The following NME7 variants were observed in gnomAD, a reference collection of about 807,000 sequenced individuals.
The protein encoded by NME7 is nucleoside diphosphate kinase 7.
Under a neutral mutation model 49.1 loss-of-function variants are expected in NME7, and 41 were observed. The ratio of observed to expected loss-of-function variants is 0.83; its 90% CI spans 0.65 to 1.08. NME7 has a LOEUF of 1.08. NME7 is among the 50% of genes least tolerant of loss of function. The pLI, the probability that NME7 is intolerant of heterozygous loss-of-function variation, is 0.00. For missense variants in NME7, 423 were observed against 463.4 expected (o/e 0.91, Z 0.80); for synonymous variants, 139 against 150.6 (o/e 0.92, Z 0.56).
At position 169,149,487 on chromosome 1, in the gene NME7, C is replaced by T. The variant is rs532520055; in HGVS notation, c.1099-16670G>A. Among the ~76,000 whole-genome samples the T allele has an allele frequency of 7.0e-4, 106 of 152,246 alleles. 1 individual carries two copies. The highest frequency in any genetic ancestry group is 2.4e-3 in the African/African-American group (98 of 41,538). ...TAGGGGATACATCCCAAACCCCCAG[C>T]GGATACCTGAAACCACATATAGTAC... On this transcript the variant is annotated intron_variant, in intron 11 of 11. Coordinates refer to ENST00000367811, the MANE Select transcript of NME7 (RefSeq NM_013330.5).
At chr1:169,221,096 T>G (rs928755259) in intron 10 of NME7, among the ~76,000 whole-genome samples, 5 of 152,182 alleles carry the variant, frequency 3.3e-5, no homozygotes, top group Non-Finnish European at 5.9e-5. Flanking sequence ...ATTTCATCAA[T>G]TTAACCTTCA....
At chr1:169,304,910 C>T (rs1241887555) in intron 4 of NME7, among the ~76,000 whole-genome samples, 1 of 152,110 alleles carries the variant, frequency 6.6e-6, no homozygotes, top group Non-Finnish European at 1.5e-5. Flanking sequence ...AACTGAATAA[C>T]TGAAAAACTT....
At chr1:169,346,613 C>T in intron 1 of NME7, among the ~76,000 whole-genome samples, 2 of 152,180 alleles carry the variant, frequency 1.3e-5, no homozygotes, top group East Asian at 3.8e-4. Context: ...TCCCGTAGCA[C>T]TTATTTACCT....
intron 10 of NME7, among the ~76,000 whole-genome samples, chr1:169,192,274 T>G (rs944618213): frequency 6.6e-6 from 1 of 152,116 alleles, no homozygotes; most frequent in Admixed American, 6.5e-5. Context: ...AAAGACAGTA[T>G]AGCTGGCCCT....
chr1:169,367,500 A>G (rs1250477435), intron 1 of NME7, among the ~76,000 whole-genome samples: 1 of 152,164 alleles, frequency 6.6e-6, no homozygotes, highest in Non-Finnish European at 1.5e-5. Context: ...ATTACTCTAG[A>G]GACTTAGTAA....
At chr1:169,330,585 A>G (rs867807540) in intron 1 of NME7, among the ~76,000 whole-genome samples, 38 of 152,164 alleles carry the variant, frequency 2.5e-4, no homozygotes, top group African/African-American at 8.7e-4. Context: ...AGTCTGAGGC[A>G]GGAGAATTGC....
At chr1:169,198,641 T>C (rs1048652763) in intron 10 of NME7, among the ~76,000 whole-genome samples, 1 of 152,156 alleles carries the variant, frequency 6.6e-6, no homozygotes, top group African/African-American at 2.4e-5. Context: ...CTCATTCATA[T>C]GAAATGTCCA....
At position 169,168,035 on chromosome 1, in the gene NME7, C is replaced by T. The variant is rs143681771; in HGVS notation, c.1098+1412G>A. On this transcript the variant is annotated intron_variant, in intron 11 of 11. Transcript: ENST00000367811. ...ATTGGTCACAGCTGGCGCCAGGGAA[C>T]GGCGGTCTCCTAGTAGATAGAAAAC... 2.3e-3 allele frequency among the ~76,000 whole-genome samples: 352 copies of T among 152,220 alleles called. 1 individual carries two copies. The highest frequency in any genetic ancestry group is 3.5e-3 in the Non-Finnish European group (238 of 68,008).
Position 169,264,613 on chromosome 1 carries a change from A to T in NME7, c.754+22690T>A, listed in dbSNP as rs1649261473. 1.5e-5 allele frequency among the ~76,000 whole-genome samples: 2 copies of T among 133,208 alleles called. 1 individual carries two copies. Among genetic ancestry groups the T allele is most frequent in the South Asian group, 4.6e-4 (2 of 4,306 alleles). The allele number at this position is 133,208 out of a possible 152,430, so 87.4% of individuals were successfully genotyped here. ...AATACAGGTGCACCCAGATTCAAAA[A>T]ACAAGTTCTTAGAGACCTATGAAGA... On this transcript the variant is annotated intron_variant, in intron 7 of 11. Coordinates refer to ENST00000367811, the MANE Select transcript of NME7 (RefSeq NM_013330.5).
rs554644983 is a variant in NME7, at chr1:169,170,726, C to T, written c.991-1172G>A. Among the ~76,000 whole-genome samples the T allele has an allele frequency of 3.9e-5, 6 of 152,166 alleles. No homozygotes were observed. In the South Asian group the frequency reaches 1.0e-3, roughly 26 times the overall value. On this transcript the variant is annotated intron_variant, in intron 10 of 11. Coordinates refer to ENST00000367811, the MANE Select transcript of NME7 (RefSeq NM_013330.5). ...GGTCAGGAGTTCGAGACCAGCCTGGCTAACATGGTGAAGCCCTGTCTCAAC... is the reference window on the plus strand; with the variant it reads ...GGTCAGGAGTTCGAGACCAGCCTGGTTAACATGGTGAAGCCCTGTCTCAAC...
chr1:169,281,741 T>C lies in NME7; in HGVS notation c.754+5562A>G, dbSNP rs34848249. 0.056 allele frequency among the ~76,000 whole-genome samples: 8,598 copies of C among 152,304 alleles called. 1,383 individuals carry two copies. The East Asian group carries it at 0.66, about 12-fold the overall frequency. On this transcript the variant is annotated intron_variant, in intron 7 of 11. Transcript: ENST00000367811. Reference sequence around the variant, plus strand: ...TTTGTCATTGGTTTTGTTTATGTGATGAATTACGTTTATCGATTTGTGTAT... The same window carrying C: ...TTTGTCATTGGTTTTGTTTATGTGACGAATTACGTTTATCGATTTGTGTAT...
At chr1:169,365,262 C>T (rs1482334348) in intron 1 of NME7, among the ~76,000 whole-genome samples, 1 of 152,194 alleles carries the variant, frequency 6.6e-6, no homozygotes, top group Admixed American at 6.5e-5. Flanking sequence ...AACTTCCAAG[C>T]TGTCAGGGAG....
At chr1:169,202,931 C>T (rs1052431384) in intron 10 of NME7, among the ~76,000 whole-genome samples, 1 of 152,040 alleles carries the variant, frequency 6.6e-6, no homozygotes, top group African/African-American at 2.4e-5. Context: ...AAACATGTGT[C>T]CCATTGAGAG....
intron 11 of NME7, among the ~76,000 whole-genome samples, chr1:169,167,718 A>G (rs1368681606): frequency 6.6e-6 from 1 of 152,108 alleles, no homozygotes. Context: ...ATGTTACTTA[A>G]CCTCTCTGAG....
intron 4 of NME7, among the ~76,000 whole-genome samples, chr1:169,304,134 G>A (rs1014713958): frequency 6.6e-6 from 1 of 152,114 alleles, no homozygotes; most frequent in Admixed American, 6.5e-5. Flanking sequence ...TTGTAACAGG[G>A]ATTTATTTTT....
intron 10 of NME7, among the ~76,000 whole-genome samples, chr1:169,207,414 C>T (rs929160668): frequency 2.0e-5 from 3 of 152,004 alleles, no homozygotes; most frequent in African/African-American, 7.2e-5. Flanking sequence ...TAGAGCACCC[C>T]TGAATTCTAT....
intron 1 of NME7, among the ~76,000 whole-genome samples, chr1:169,336,324 G>C (rs1044916004): frequency 6.6e-5 from 10 of 152,144 alleles, no homozygotes; most frequent in South Asian, 2.1e-4. Flanking sequence ...AGCTTCCACA[G>C]TGTGGAAGGG....
At chr1:169,150,702 T>A (rs1658888401) in intron 11 of NME7, among the ~76,000 whole-genome samples, 1 of 150,784 alleles carries the variant, frequency 6.6e-6, no homozygotes, top group African/African-American at 2.5e-5. Flanking sequence ...TCCATGAGTT[T>A]AATTGTACTG....
chr1:169,206,522 T>G (rs1262935979), intron 10 of NME7, among the ~76,000 whole-genome samples: 1 of 152,142 alleles, frequency 6.6e-6, no homozygotes, highest in Non-Finnish European at 1.5e-5. Context: ...TTGACCTTTG[T>G]GTATCTTCCT....
Sources: allele counts gnomAD v4.1 joint callset (sites outside exome capture counted in the v4.1 genomes callset), GRCh38; gene constraint gnomAD v4.1.1; transcripts MANE v1.5; gene names NCBI Gene and HGNC (gene_info 2026-07-23, HGNC 2026-07-21).